Variants in ST3GAL2 observed in about 807,000 individuals in gnomAD.
ST3GAL2 encodes the protein ST3 beta-galactoside alpha-2,3-sialyltransferase 2, also known as CMP-N-acetylneuraminate-beta-galactosamide-alpha-2,3-sialyltransferase 2.
A neutral mutation model predicts 37.5 loss-of-function variants in ST3GAL2; 16 were observed. The observed-to-expected ratio is 0.43, with a 90% CI of 0.29 to 0.65. ST3GAL2 has a LOEUF of 0.65. Among genes scored for constraint, ST3GAL2 ranks in the 30% least tolerant of loss-of-function variants. The pLI, the probability that ST3GAL2 is intolerant of heterozygous loss-of-function variation, is 0.17. For missense variants in ST3GAL2, 383 were observed against 487.8 expected, an observed-to-expected ratio of 0.79 and a Z score of 2.02; for synonymous variants, 238 against 202.9, an observed-to-expected ratio of 1.17 and a Z score of -1.47.
At chr16:70,387,920 GCCTGACCAACATGAAGAAA>G (rs539593484) in intron 4 of ST3GAL2, among the ~76,000 whole-genome samples, 120 of 152,134 alleles carry the variant, frequency 7.9e-4, no homozygotes, top group African/African-American at 2.8e-3. Flanking sequence ...TTCCAGATCA[GCCTGACCAACATGAAGAAA>G]CCTGTCTCTA....
Position 70,388,599 on chromosome 16 carries a change from A to C in ST3GAL2, c.534-53T>G, listed in dbSNP as rs1597556817. The C allele has an allele frequency of 2.6e-6, 4 of 1,522,560 alleles. No homozygotes were observed. In the East Asian group the frequency reaches 9.1e-5, roughly 35 times the overall value. 94.3% of individuals were successfully genotyped at this position (1,522,560 alleles called of 1,614,324 possible). On this transcript the variant is annotated intron_variant, in intron 3 of 6. Coordinates refer to ENST00000342907, the MANE Select transcript of ST3GAL2 (RefSeq NM_006927.4). ...ATCAACTGCCATGGAAACTGATACA[A>C]GATTCTTAGAGGACAGTTCGAAGCC...
intron 1 of ST3GAL2, among the ~76,000 whole-genome samples, chr16:70,420,808 C>A (rs747362727): frequency 3.3e-5 from 5 of 152,198 alleles, no homozygotes; most frequent in Non-Finnish European, 7.4e-5. Context: ...TGCATCCATG[C>A]TTCTACCAGA....
chr16:70,388,446 C>A lies in ST3GAL2; in HGVS notation c.634G>T (p.Val212Phe), dbSNP rs776460721. 1 of 1,614,004 alleles carries A rather than the reference C, an allele frequency of 6.2e-7. No individual in the cohort carries two copies. The highest frequency in any genetic ancestry group is 8.5e-7 in the Non-Finnish European group (1 of 1,180,026). ...PESAKNLPAN[V>F]SFVLVPFKVL... The stretch of plus-strand genomic sequence containing the variant: ...TTGAAGGGCACCAGCACGAAGCTGA[C>A]GTTGGCGGGCAGGTTCTTGGCACTC... Residue 212 changes from valine (V) to phenylalanine (F), a missense_variant, in exon 4 of 7, where the codon GTC becomes TTC. This residue lies in a region of ST3GAL2 where 160 missense variants were observed against 248.6 expected (regional missense o/e 0.64). Transcript: ENST00000342907.
chr16:70,428,800 T>C (rs2047768789), intron 1 of ST3GAL2, among the ~76,000 whole-genome samples: 1 of 152,216 alleles, frequency 6.6e-6, no homozygotes, highest in South Asian at 2.1e-4. Context: ...CTCACAGATC[T>C]GCCACGTGGC....
chr16:70,411,385 A>T (rs779615883), intron 1 of ST3GAL2, among the ~76,000 whole-genome samples: 3 of 131,638 alleles, frequency 2.3e-5, no homozygotes, highest in Admixed American at 7.3e-5. Flanking sequence ...AATAAAAAAT[A>T]AAAAAAAAAA....
At chr16:70,423,237 G>C (rs764329242) in intron 1 of ST3GAL2, among the ~76,000 whole-genome samples, 1 of 152,028 alleles carries the variant, frequency 6.6e-6, no homozygotes, top group African/African-American at 2.4e-5. Context: ...GGCTGGGCGC[G>C]GTGGCTCACG....
rs1018707759 is a variant in ST3GAL2, at chr16:70,397,207, A to AT, written c.339+984dup. 2.6e-3 allele frequency among the ~76,000 whole-genome samples: 385 copies of AT among 150,226 alleles called. 1 individual carries two copies. The highest frequency in any genetic ancestry group is 4.0e-3 in the Non-Finnish European group (273 of 67,562). ...AGGCACGCACCACCATGCCTGGCTA[A>AT]TTTTTTTTCATTTTTAGTAGAGACG... On this transcript the variant is annotated intron_variant, in intron 2 of 6. Transcript: ENST00000342907.
At position 70,407,119 on chromosome 16, in the gene ST3GAL2, T is replaced by C. The variant is rs534288332; in HGVS notation, c.-1003-7586A>G. Reference sequence around the variant, plus strand: ...GAGAAAGGGAGTAACTAGGGAAATTTAGGAGGTGGCAAGACAACACTATGG... The same window carrying C: ...GAGAAAGGGAGTAACTAGGGAAATTCAGGAGGTGGCAAGACAACACTATGG... On this transcript the variant is annotated intron_variant, in intron 1 of 6. Transcript: ENST00000342907. 4.0e-5 allele frequency among the ~76,000 whole-genome samples: 6 copies of C among 150,586 alleles called. No individual in the cohort carries two copies. In the East Asian group the frequency reaches 7.8e-4, roughly 20 times the overall value.
intron 1 of ST3GAL2, among the ~76,000 whole-genome samples, chr16:70,434,114 C>A (rs993084451): frequency 1.3e-5 from 2 of 152,112 alleles, no homozygotes; most frequent in African/African-American, 4.8e-5. Context: ...CTGTCTCCTC[C>A]ACAACACTCA....
rs1476586776 is a variant in ST3GAL2, at chr16:70,377,939, A to G, written c.*3750T>C. ...TACAAGATGAAACATCACTTACCTA[A>G]CTTCCCTTCCCACAACGTCACTAAA... On this transcript the variant is annotated 3_prime_UTR_variant, in exon 7 of 7. Coordinates refer to ENST00000342907, the MANE Select transcript of ST3GAL2 (RefSeq NM_006927.4). 6.6e-6 allele frequency: 1 copy of G among 152,226 alleles called. No homozygotes were observed. Among genetic ancestry groups the G allele is most frequent in the Non-Finnish European group, 1.5e-5 (1 of 68,044 alleles). 9.4% of individuals were successfully genotyped at this position (152,226 alleles called of 1,614,324 possible).
intron 1 of ST3GAL2, among the ~76,000 whole-genome samples, chr16:70,428,731 TTCC>T (rs1481407860): frequency 6.6e-6 from 1 of 152,194 alleles, no homozygotes; most frequent in Non-Finnish European, 1.5e-5. Flanking sequence ...CCTCACTACC[TTCC>T]TCCTCTTCTC....
intron 1 of ST3GAL2, among the ~76,000 whole-genome samples, chr16:70,409,606 G>A (rs1280103815): frequency 1.3e-5 from 2 of 152,038 alleles, no homozygotes; most frequent in East Asian, 3.9e-4. Flanking sequence ...GCCTCCCAAA[G>A]TGTTGGGATT....
rs1185841161 is a variant in ST3GAL2, at chr16:70,377,829, A to T, written c.*3860T>A. On this transcript the variant is annotated 3_prime_UTR_variant, in exon 7 of 7. Transcript: ENST00000342907. ...CAGAGCAAAACTCCATCTCAAAAAT[A>T]AAAAAATATAAGCAACCAGGAGTGA... The T allele has an allele frequency of 6.6e-6, 1 of 152,122 alleles. No individual in the cohort carries two copies. Among genetic ancestry groups the T allele is most frequent in the African/African-American group, 2.4e-5 (1 of 41,404 alleles). 9.4% of individuals were successfully genotyped at this position (152,122 alleles called of 1,614,324 possible).
chr16:70,410,063 A>C (rs190879582), intron 1 of ST3GAL2, among the ~76,000 whole-genome samples: 79 of 151,710 alleles, frequency 5.2e-4, no homozygotes, highest in African/African-American at 1.8e-3. Flanking sequence ...CACCTTGCTC[A>C]GTCCTCAGAC....
In ST3GAL2 at chr16:70,398,986, A is replaced by T; in HGVS notation, c.-456T>A. ...AATGAGGCGGCCCCTCGTTCCCGGC[A>T]GCGGGGAAGCCCTAGAACTCCAATC... is the stretch of plus-strand genomic sequence containing the variant. On this transcript the variant is annotated 5_prime_UTR_variant, in exon 2 of 7. Coordinates refer to ENST00000342907, the MANE Select transcript of ST3GAL2 (RefSeq NM_006927.4). 1 of 417,202 alleles carries T rather than the reference A, an allele frequency of 2.4e-6. No homozygotes were observed. 25.8% of individuals were successfully genotyped at this position (417,202 alleles called of 1,614,324 possible). A position where few individuals can be genotyped will look rare whatever the true frequency, so the allele number is the denominator to read the frequency against.
intron 3 of ST3GAL2, among the ~76,000 whole-genome samples, chr16:70,393,151 T>C (rs1239239419): frequency 2.0e-5 from 3 of 151,764 alleles, no homozygotes; most frequent in African/African-American, 2.4e-5. Context: ...AATGGCATGA[T>C]CTTGGCTCAC....
chr16:70,386,405 G>C (rs1176002407), intron 4 of ST3GAL2, among the ~76,000 whole-genome samples: 4 of 152,016 alleles, frequency 2.6e-5, no homozygotes, highest in African/African-American at 9.7e-5. Context: ...TGTTAGCCAG[G>C]ATGGTCTCCA....
chr16:70,413,442 G>A lies in ST3GAL2; in HGVS notation c.-1003-13909C>T, dbSNP rs545270746. 9.4e-5 allele frequency among the ~76,000 whole-genome samples: 14 copies of A among 149,290 alleles called. No individual in the cohort carries two copies. The South Asian group carries it at 2.1e-3, about 23-fold the overall frequency. ...ATAAAAAATAAAAAGCTGGCCGGGC[G>A]CGGTGGCTCGCGCCTATAATCCCAG... On this transcript the variant is annotated intron_variant, in intron 1 of 6. Transcript: ENST00000342907.
intron 1 of ST3GAL2, among the ~76,000 whole-genome samples, chr16:70,430,915 C>T (rs11647932): frequency 0.092 from 13,945 of 152,158 alleles, 831 homozygotes; most frequent in South Asian, 0.18. Flanking sequence ...TCACTTCCCC[C>T]TGAAACTCAG....
Sources: allele counts gnomAD v4.1 joint callset (sites outside exome capture counted in the v4.1 genomes callset), GRCh38; gene constraint gnomAD v4.1.1; regional missense constraint gnomAD v4.1.1; transcripts MANE v1.5; gene names NCBI Gene and HGNC (gene_info 2026-07-23, HGNC 2026-07-21).